The following CRACD variants were observed in gnomAD, a reference collection of about 807,000 sequenced individuals.
CRACD encodes the protein capping protein inhibiting regulator of actin dynamics, also known as capping protein-inhibiting regulator of actin dynamics.
In CRACD, 56 loss-of-function variants were observed where a neutral mutation model predicts 106.8. That is an observed-to-expected ratio of 0.52 (90% confidence interval 0.42 to 0.66). CRACD has a LOEUF of 0.66. Among genes scored for constraint, CRACD ranks in the 30% least tolerant of loss-of-function variants. The pLI, the probability that CRACD is intolerant of heterozygous loss-of-function variation, is 0.00. For missense variants in CRACD, 1,730 were observed against 1,623.2 expected (o/e 1.07, Z -1.13); for synonymous variants, 754 against 670.8 (o/e 1.12, Z -1.92).
chr4:56,148,281 TTA>T lies in CRACD; in HGVS notation c.-335-31002_-335-31001del, dbSNP rs199618137. Reference sequence around the variant, plus strand: ...TCATTGTGCTTTTGTTGTTTTTTTTTTAAAAAAAAAAAAATTTATTTTTTCAG... The same window carrying T: ...TCATTGTGCTTTTGTTGTTTTTTTTTAAAAAAAAAAAATTTATTTTTTCAG... On this transcript the variant is annotated intron_variant, in intron 1 of 10. Transcript: ENST00000682029. Among the ~76,000 whole-genome samples the T allele has an allele frequency of 0.013, 1,542 of 122,624 alleles. 56 individuals carry two copies. In the East Asian group the frequency reaches 0.14, roughly 11 times the overall value. 80.4% of individuals were successfully genotyped at this position (122,624 alleles called of 152,430 possible). A position where few individuals can be genotyped will look rare whatever the true frequency, so the allele number is the denominator to read the frequency against.
chr4:56,102,364 C>G (rs1349541783), intron 1 of CRACD, among the ~76,000 whole-genome samples: 2 of 152,116 alleles, frequency 1.3e-5, no homozygotes, highest in Non-Finnish European at 2.9e-5. Context: ...CTAATCAGAG[C>G]CAGCATGGAT....
intron 1 of CRACD, among the ~76,000 whole-genome samples, chr4:56,135,635 G>A (rs186180052): frequency 1.3e-5 from 2 of 152,304 alleles, no homozygotes; most frequent in East Asian, 1.9e-4. Flanking sequence ...AAAGACAGAC[G>A]TCTCATCTTT....
chr4:56,065,427 G>T (rs554705805), intron 1 of CRACD, among the ~76,000 whole-genome samples: 1 of 152,060 alleles, frequency 6.6e-6, no homozygotes, highest in Admixed American at 6.6e-5. Context: ...GTTACTTTCC[G>T]AGATTCACCA....
At chr4:56,139,834 G>A (rs900231286) in intron 1 of CRACD, among the ~76,000 whole-genome samples, 8 of 151,816 alleles carry the variant, frequency 5.3e-5, no homozygotes, top group African/African-American at 1.9e-4. Context: ...AAATAAAAAG[G>A]AAAAAAATCC....
intron 2 of CRACD, among the ~76,000 whole-genome samples, chr4:56,243,300 G>A (rs970012797): frequency 2.6e-5 from 4 of 152,218 alleles, no homozygotes; most frequent in East Asian, 1.9e-4. Context: ...AAGATCAGGC[G>A]TTAGGAGATA....
At chr4:56,174,957 G>A (rs751469533) in intron 1 of CRACD, among the ~76,000 whole-genome samples, 10 of 152,100 alleles carry the variant, frequency 6.6e-5, no homozygotes, top group African/African-American at 1.9e-4. Context: ...AGAGTGAGGC[G>A]GGAAAGTGCC....
chr4:56,095,127 G>A (rs896506429), intron 1 of CRACD, among the ~76,000 whole-genome samples: 1 of 152,136 alleles, frequency 6.6e-6, no homozygotes, highest in Non-Finnish European at 1.5e-5. Context: ...CAGGGTAAGA[G>A]GATCACCTGA....
At chr4:56,186,819 T>C (rs1206732328) in intron 2 of CRACD, among the ~76,000 whole-genome samples, 1 of 152,126 alleles carries the variant, frequency 6.6e-6, no homozygotes, top group East Asian at 1.9e-4. Flanking sequence ...CCCAGCACTT[T>C]GGTAGGCCAT....
intron 2 of CRACD, among the ~76,000 whole-genome samples, chr4:56,269,021 G>A (rs566827978): frequency 6.6e-6 from 1 of 152,228 alleles, no homozygotes; most frequent in South Asian, 2.1e-4. Flanking sequence ...TATCTCAATT[G>A]TATTACATGA....
At chr4:56,192,067 A>G (rs1269614200) in intron 2 of CRACD, among the ~76,000 whole-genome samples, 1 of 152,182 alleles carries the variant, frequency 6.6e-6, no homozygotes, top group Non-Finnish European at 1.5e-5. Flanking sequence ...AACAAAACTC[A>G]TCATTTTGTG....
rs746156043 is a variant in CRACD at position 56,314,073 on chromosome 4, C to A, written c.571C>A (p.Arg191=). The A allele has an allele frequency of 4.4e-5, 71 of 1,613,870 alleles. No individual in the cohort carries two copies. The East Asian group carries it at 1.5e-3, about 35-fold the overall frequency. ...ACATGAGCAAGGCGGCCTTGAGAGT[C>A]GGCCCTGCCTGGACCAGAACGGACA... The part of the protein sequence containing the change: ...PQHEQGGLES[R]PCLDQNGHPG... Residue 191 remains arginine (R), a synonymous_variant, in exon 8 of 11, where the codon CGG becomes AGG. Transcript: ENST00000682029. The surrounding 1 kb of genome is among the most constrained non-coding windows in gnomAD (Gnocchi z 4.4).
At chr4:56,108,960 C>CTGCAGGCAGGCCTGGATAATA (rs1734034459) in intron 1 of CRACD, among the ~76,000 whole-genome samples, 1 of 152,208 alleles carries the variant, frequency 6.6e-6, no homozygotes, top group African/African-American at 2.4e-5. Flanking sequence ...CTCCGGATGA[C>CTGCAGGCAGGCCTGGATAATA]TGCAGGCAGG....
At chr4:56,117,338 A>G (rs895623467) in intron 1 of CRACD, among the ~76,000 whole-genome samples, 1 of 152,108 alleles carries the variant, frequency 6.6e-6, no homozygotes, top group Non-Finnish European at 1.5e-5. Context: ...TTTATTTTTC[A>G]AATTACTTTT....
chr4:56,246,428 G>C (rs1015157094), intron 2 of CRACD: 1 of 152,214 alleles, frequency 6.6e-6, no homozygotes, highest in African/African-American at 2.4e-5. Flanking sequence ...CCTTCACACA[G>C]GGGTTCTCAG....
At chr4:56,143,790 A>T (rs1344667135) in intron 1 of CRACD, among the ~76,000 whole-genome samples, 1 of 152,160 alleles carries the variant, frequency 6.6e-6, no homozygotes, top group African/African-American at 2.4e-5. Context: ...TTTAATAAAC[A>T]TATAGAATTT....
chr4:56,213,737 A>T (rs1177269801), intron 2 of CRACD, among the ~76,000 whole-genome samples: 1 of 152,226 alleles, frequency 6.6e-6, no homozygotes, highest in Admixed American at 6.5e-5. Flanking sequence ...CGATTTGAAT[A>T]GTTGGTCACC....
chr4:56,064,983 C>G (rs1001773078), intron 1 of CRACD, among the ~76,000 whole-genome samples: 1 of 151,584 alleles, frequency 6.6e-6, no homozygotes, highest in Non-Finnish European at 1.5e-5. Flanking sequence ...TTCAAGATGA[C>G]CAGCTGTGGT....
At chr4:56,207,747 T>TATATAC (rs1216723885) in intron 2 of CRACD, among the ~76,000 whole-genome samples, 5 of 47,652 alleles carry the variant, frequency 1.0e-4, no homozygotes, top group Non-Finnish European at 2.4e-4. Context: ...TGTTTTCTCA[T>TATATAC]ATATATATAT....
intron 3 of CRACD, among the ~76,000 whole-genome samples, chr4:56,279,141 A>G (rs1440973117): frequency 1.3e-5 from 2 of 152,210 alleles, no homozygotes; most frequent in South Asian, 4.1e-4. Flanking sequence ...TGACAGTGCT[A>G]TTAGTGTTAG....
Sources: gnomAD v4.1 joint callset for allele counts (sites outside exome capture counted in the v4.1 genomes callset) on GRCh38, gnomAD v4.1.1 for gene constraint, Gnocchi (gnomAD v3.1) non-coding constraint, MANE v1.5 for transcripts, NCBI Gene and HGNC (gene_info 2026-07-23, HGNC 2026-07-21) for gene names.